PCDH11X: variants seen among roughly 807,000 people sequenced by gnomAD.
PCDH11X encodes the protein protocadherin 11 X-linked.
In PCDH11X, 18 loss-of-function variants were observed where a neutral mutation model predicts 53.3. The ratio of observed to expected loss-of-function variants is 0.34; its 90% CI spans 0.23 to 0.50. The LOEUF (loss-of-function observed/expected upper bound fraction) is 0.50. Ranked by LOEUF, PCDH11X falls within the 20% of genes least tolerant of loss-of-function variation. PCDH11X has a pLI of 0.98. For missense variants in PCDH11X, 570 were observed against 1,032.4 expected (o/e 0.55, Z 6.14); for synonymous variants, 279 against 393.3 (o/e 0.71, Z 3.44).
At chrX:92,411,938 G>A (rs2071667863) in intron 9 of PCDH11X, among the ~76,000 whole-genome samples, 1 of 30,511 alleles carries the variant, frequency 3.3e-5, no homozygotes, top group Admixed American at 3.5e-4. Flanking sequence ...AGGAGGAGGG[G>A]GGAGGAGGAG....
intron 6 of PCDH11X, among the ~76,000 whole-genome samples, chrX:92,051,957 G>T (rs1466609987): frequency 1.8e-5 from 2 of 108,120 alleles, no homozygotes; most frequent in East Asian, 5.9e-4. Flanking sequence ...TTTCAACTCA[G>T]TTATCATACA....
intron 6 of PCDH11X, among the ~76,000 whole-genome samples, chrX:92,197,692 A>G (rs1167808132): frequency 1.8e-5 from 2 of 111,816 alleles, no homozygotes; most frequent in Non-Finnish European, 3.8e-5. Context: ...TTTTGGCCCT[A>G]ATCTGTCAAT....
intron 7 of PCDH11X, 193 bp from the exon 8 acceptor site, chrX:92,262,921 A>G: frequency 4.1e-6 from 2 of 484,396 alleles, no homozygotes; most frequent in Non-Finnish European, 5.1e-6. Context: ...CCTTTACTCA[A>G]ACCACTGAAG....
intron 10 of PCDH11X, among the ~76,000 whole-genome samples, chrX:92,532,606 G>A (rs963597972): frequency 7.4e-5 from 8 of 108,741 alleles, no homozygotes; most frequent in Non-Finnish European, 1.3e-4. Flanking sequence ...AGGGATGTAG[G>A]ATAAGTTGGG....
In PCDH11X at chrX:92,063,369, T is replaced by A. The variant is rs746531139; in HGVS notation, c.3034-138006T>A. Among the ~76,000 whole-genome samples, 4 of 111,459 alleles carry A rather than the reference T, an allele frequency of 3.6e-5. No homozygotes were observed. In the Admixed American group the frequency reaches 3.8e-4, roughly 11 times the overall value. On this transcript the variant is annotated intron_variant, in intron 6 of 10. Coordinates refer to ENST00000682573, the MANE Select transcript of PCDH11X (RefSeq NM_032968.5). ...AAAAAAGCTATGCATTCAAAATTTTTAAAAAAATTCTTAAAGTGAGTTTTT... is the reference window on the plus strand; with the variant it reads ...AAAAAAGCTATGCATTCAAAATTTTAAAAAAAATTCTTAAAGTGAGTTTTT...
At chrX:91,801,238 A>G (rs1935927756) in intron 1 of PCDH11X, among the ~76,000 whole-genome samples, 1 of 107,712 alleles carries the variant, frequency 9.3e-6, no homozygotes, top group Non-Finnish European at 1.9e-5. Context: ...AAAATGATTT[A>G]AATAAGAAGG....
intron 6 of PCDH11X, among the ~76,000 whole-genome samples, chrX:92,144,683 T>C (rs1312375737): frequency 9.0e-6 from 1 of 110,821 alleles, no homozygotes; most frequent in Non-Finnish European, 1.9e-5. Context: ...AAATCCTGTA[T>C]GGCCAGCTAT....
At chrX:92,425,691 G>A (rs1320355710) in intron 9 of PCDH11X, among the ~76,000 whole-genome samples, 1 of 95,989 alleles carries the variant, frequency 1.0e-5, no homozygotes, top group Non-Finnish European at 2.1e-5. Context: ...GAAGGGATGA[G>A]ATCACTTAGG....
chrX:91,993,399 A>T (rs1165305238), intron 6 of PCDH11X, among the ~76,000 whole-genome samples: 1 of 112,366 alleles, frequency 8.9e-6, no homozygotes, highest in East Asian at 2.8e-4. Context: ...TTGGAAGAGT[A>T]TATCCTTTAT....
At chrX:92,131,942 C>A (rs2064978881) in intron 6 of PCDH11X, among the ~76,000 whole-genome samples, 1 of 108,184 alleles carries the variant, frequency 9.2e-6, no homozygotes, top group South Asian at 4.2e-4. Flanking sequence ...TACATTCCAG[C>A]CTTTGTATAA....
At chrX:91,955,244 T>G (rs1378627615) in intron 6 of PCDH11X, among the ~76,000 whole-genome samples, 2 of 109,941 alleles carry the variant, frequency 1.8e-5, no homozygotes, top group African/African-American at 6.6e-5. Context: ...GTCGATTTTG[T>G]CAAAGATCAG....
intron 6 of PCDH11X, among the ~76,000 whole-genome samples, chrX:91,907,893 C>G (rs1402514763): frequency 8.0e-5 from 9 of 111,812 alleles, no homozygotes; most frequent in African/African-American, 2.9e-4. Flanking sequence ...GTATGGTTTT[C>G]TATTCCTGTG....
At chrX:92,072,359 A>G (rs5984871) in intron 6 of PCDH11X, among the ~76,000 whole-genome samples, 1,554 of 110,419 alleles carry the variant, frequency 0.014, 26 homozygotes, top group African/African-American at 0.047. Flanking sequence ...CTCAAGCAGA[A>G]GGAGTTTTGC....
At chrX:92,105,323 G>A (rs1282415000) in intron 6 of PCDH11X, among the ~76,000 whole-genome samples, 1 of 110,964 alleles carries the variant, frequency 9.0e-6, no homozygotes, top group Non-Finnish European at 1.9e-5. Flanking sequence ...TGTTTCTTGG[G>A]CTGGTCGGTC....
At chrX:92,333,566 G>T (rs2069543412) in intron 8 of PCDH11X, among the ~76,000 whole-genome samples, 1 of 111,871 alleles carries the variant, frequency 8.9e-6, no homozygotes, top group Admixed American at 9.5e-5. Flanking sequence ...GATATTGAAA[G>T]AACTCACTTT....
chrX:91,787,971 G>T (rs1935388445), intron 1 of PCDH11X, among the ~76,000 whole-genome samples: 1 of 111,734 alleles, frequency 8.9e-6, no homozygotes, highest in Non-Finnish European at 1.9e-5. Flanking sequence ...GGACCAGAAA[G>T]ATAATTTAGT....
At chrX:92,067,348 T>C (rs1341518212) in intron 6 of PCDH11X, among the ~76,000 whole-genome samples, 1 of 109,752 alleles carries the variant, frequency 9.1e-6, no homozygotes, top group Non-Finnish European at 1.9e-5. Flanking sequence ...CTATACCTAG[T>C]TTTTGAGGGT....
rs1479740069 is a variant in PCDH11X at position 92,375,159 on chromosome X, TATA to T, written c.3145-12575_3145-12573del. ...CCATTCATTTATATATATATATATA[TATA>T]TATATTTTTTTTTTTTTTTTTTTTT... On this transcript the variant is annotated intron_variant, in intron 8 of 10. Transcript: ENST00000682573. 5.0e-4 allele frequency among the ~76,000 whole-genome samples: 7 copies of T among 14,102 alleles called. No homozygotes were observed. The East Asian group carries it at 0.011, about 22-fold the overall frequency. The allele number at this position is 14,102 out of a possible 115,157, so 12.2% of individuals were successfully genotyped here.
intron 6 of PCDH11X, among the ~76,000 whole-genome samples, chrX:91,998,813 C>T (rs2062461523): frequency 9.0e-6 from 1 of 111,099 alleles, no homozygotes; most frequent in South Asian, 3.7e-4. Flanking sequence ...ATCACTATGC[C>T]GAATACAGTA....
Sources: gnomAD v4.1 joint callset for allele counts (sites outside exome capture counted in the v4.1 genomes callset) on GRCh38, gnomAD v4.1.1 for gene constraint, MANE v1.5 for transcripts, NCBI Gene and HGNC (gene_info 2026-07-23, HGNC 2026-07-21) for gene names.